Variants in DENND2B observed in about 807,000 individuals in gnomAD.
DENND2B encodes the protein DENN domain containing 2B, also known as DENN domain-containing protein 2B.
In DENND2B, 32 loss-of-function variants were observed where a neutral mutation model predicts 116.0. That is an observed-to-expected ratio of 0.28 (90% CI 0.21 to 0.37). The LOEUF (loss-of-function observed/expected upper bound fraction) is 0.37. Among genes scored for constraint, DENND2B ranks in the 10% least tolerant of loss-of-function variants. The pLI, the probability that DENND2B is intolerant of heterozygous loss-of-function variation, is 1.00. For missense variants in DENND2B, 1,276 were observed against 1,477.7 expected (o/e 0.86, Z 2.24); for synonymous variants, 588 against 583.9 (o/e 1.01, Z -0.10).
intron 1 of DENND2B, among the ~76,000 whole-genome samples, chr11:8,804,227 A>G (rs10840126): frequency 0.32 from 48,783 of 152,100 alleles, 8,233 homozygotes; most frequent in Admixed American, 0.37. Flanking sequence ...GTACCTTCCT[A>G]ACGTGTAGGC....
At chr11:8,890,339 C>A (rs183016771) in intron 1 of DENND2B, among the ~76,000 whole-genome samples, 1 of 152,198 alleles carries the variant, frequency 6.6e-6, no homozygotes, top group African/African-American at 2.4e-5. Flanking sequence ...GAGCACATCT[C>A]CCCCTCCAAA....
chr11:8,756,756 A>G (rs936088128), intron 1 of DENND2B, among the ~76,000 whole-genome samples: 8 of 152,072 alleles, frequency 5.3e-5, no homozygotes, highest in Admixed American at 3.9e-4. Context: ...GCCCTCATCT[A>G]TGCTTTTAGC....
At chr11:8,795,490 G>A (rs1593804798) in intron 1 of DENND2B, among the ~76,000 whole-genome samples, 1 of 152,200 alleles carries the variant, frequency 6.6e-6, no homozygotes, top group African/African-American at 2.4e-5. Flanking sequence ...AGCTCTCCAG[G>A]TGAGTTTGGT....
At chr11:8,719,232 G>A (rs2045694541) in intron 4 of DENND2B, 1 of 985,300 alleles carries the variant, frequency 1.0e-6, no homozygotes, top group Non-Finnish European at 1.2e-6. Context: ...CTATATGCTT[G>A]CAGATTCCTC....
At chr11:8,810,920 C>T (rs918280969), upstream of DENND2B, 7 of 194,900 alleles carry the variant, frequency 3.6e-5, no homozygotes, top group Non-Finnish European at 6.2e-5. Context: ...TCCTACCTCC[C>T]TTCCAGTCCA....
In DENND2B at chr11:8,711,127, A is replaced by G. The variant is rs1356661162; in HGVS notation, c.2277T>C (p.Tyr759=). 6.2e-7 allele frequency: 1 copy of G among 1,613,958 alleles called. No homozygotes were observed. Among genetic ancestry groups the G allele is most frequent in the Non-Finnish European group, 8.5e-7 (1 of 1,179,976 alleles). The part of the protein sequence containing the change: ...DAKDWLPVSE[Y]SSETFSFMLT... ...CAGGCCAGGCCAGGCCTCACCTGCTATACTCTGACACAGGAAGCCAGTCCT... is the reference window on the plus strand; with the variant it reads ...CAGGCCAGGCCAGGCCTCACCTGCTGTACTCTGACACAGGAAGCCAGTCCT... Residue 759 remains tyrosine (Y), a synonymous_variant, in exon 10 of 20, where the codon TAT becomes TAC. Coordinates refer to ENST00000313726, the MANE Select transcript of DENND2B (RefSeq NM_213618.2).
At chr11:8,900,784 T>C (rs1162646239) in intron 1 of DENND2B, among the ~76,000 whole-genome samples, 1 of 151,346 alleles carries the variant, frequency 6.6e-6, no homozygotes, top group African/African-American at 2.4e-5. Flanking sequence ...ATGGCCAATA[T>C]GGTGAAACCC....
chr11:8,699,089 G>C, intron 15 of DENND2B, 115 bp from the exon 16 acceptor site: 1 of 1,533,194 alleles, frequency 6.5e-7, no homozygotes, highest in Non-Finnish European at 8.8e-7. Context: ...TACTCCAGCC[G>C]GGGATAGACC....
chr11:8,894,429 A>C (rs2064074149), intron 1 of DENND2B, among the ~76,000 whole-genome samples: 1 of 152,184 alleles, frequency 6.6e-6, no homozygotes, highest in East Asian at 1.9e-4. Context: ...GCTTCTGCAC[A>C]GCAAAAGAAA....
At chr11:8,865,952 CT>C (rs760896400) in intron 2 of DENND2B, among the ~76,000 whole-genome samples, 33 of 151,402 alleles carry the variant, frequency 2.2e-4, no homozygotes, top group Non-Finnish European at 4.6e-4. Flanking sequence ...CCCTATTTTT[CT>C]TTTTCTTTTT....
intron 3 of DENND2B, among the ~76,000 whole-genome samples, chr11:8,843,880 C>T (rs2062712687): frequency 6.6e-6 from 1 of 152,190 alleles, no homozygotes; most frequent in Non-Finnish European, 1.5e-5. Context: ...ACGGCACCTC[C>T]TTTGGTTGCT....
intron 1 of DENND2B, among the ~76,000 whole-genome samples, chr11:8,896,632 C>T (rs1253766547): frequency 6.6e-6 from 1 of 152,170 alleles, no homozygotes; most frequent in African/African-American, 2.4e-5. Context: ...TCAGTGGAAA[C>T]CATATGTTGA....
chr11:8,890,343 C>G (rs1251729934), intron 1 of DENND2B, among the ~76,000 whole-genome samples: 2 of 152,216 alleles, frequency 1.3e-5, no homozygotes, highest in African/African-American at 4.8e-5. Flanking sequence ...ACATCTCCCC[C>G]TCCAAAGGAA....
chr11:8,793,990 T>C (rs1368819041), intron 1 of DENND2B, among the ~76,000 whole-genome samples: 1 of 152,054 alleles, frequency 6.6e-6, no homozygotes, highest in Non-Finnish European at 1.5e-5. Context: ...AAATAAAAAA[T>C]ATAAATAAAT....
At chr11:8,735,978 C>T (rs2048954512) in intron 2 of DENND2B, among the ~76,000 whole-genome samples, 3 of 152,190 alleles carry the variant, frequency 2.0e-5, no homozygotes, top group African/African-American at 7.2e-5. Context: ...GATCATTCTC[C>T]CCTGTTGGAC....
intron 14 of DENND2B, among the ~76,000 whole-genome samples, chr11:8,700,778 G>C (rs7105248): frequency 0.65 from 99,305 of 151,976 alleles, 32,605 homozygotes; most frequent in Middle Eastern, 0.74. Flanking sequence ...TTATTTTATG[G>C]AGAGAGGAAA....
intron 1 of DENND2B, among the ~76,000 whole-genome samples, chr11:8,899,486 A>T (rs1453588758): frequency 2.0e-5 from 3 of 152,206 alleles, no homozygotes; most frequent in African/African-American, 7.2e-5. Flanking sequence ...AAGAAACCAC[A>T]ATCAAATTAA....
In DENND2B at chr11:8,730,204, G is replaced by T. The variant is rs148456647; in HGVS notation, c.1086C>A (p.Pro362=). ...PEREGSGSTK[P]GTPGNSPSSQ... ...AGCTAGGGCTATTTCCAGGGGTCCC[G>T]GGCTTAGTGGAACCACTGCCTTCCC... The change falls in exon 3 of 20, where the codon CCC becomes CCA. Residue 362 remains proline (P), a synonymous_variant. Coordinates refer to ENST00000313726, the MANE Select transcript of DENND2B (RefSeq NM_213618.2). This position sits in a 1 kb window ranked among gnomAD's most constrained non-coding sequence, Gnocchi z 4.1. The T allele has an allele frequency of 6.2e-7, 1 of 1,613,356 alleles. No homozygotes were observed. Among genetic ancestry groups the T allele is most frequent in the Non-Finnish European group, 8.5e-7 (1 of 1,179,622 alleles).
intron 2 of DENND2B, among the ~76,000 whole-genome samples, chr11:8,741,472 T>C (rs568938092): frequency 6.6e-6 from 1 of 152,274 alleles, no homozygotes; most frequent in East Asian, 1.9e-4. Flanking sequence ...GGCTGCTGTA[T>C]AAAGCAGAGC....
Sources: allele counts gnomAD v4.1 joint callset (sites outside exome capture counted in the v4.1 genomes callset), GRCh38; gene constraint gnomAD v4.1.1; non-coding constraint Gnocchi (gnomAD v3.1); transcripts MANE v1.5; gene names NCBI Gene and HGNC (gene_info 2026-07-23, HGNC 2026-07-21).